The following KIAA1549L variants were observed in gnomAD, a reference collection of about 807,000 sequenced individuals.
KIAA1549L encodes the protein UPF0606 protein KIAA1549L.
A neutral mutation model predicts 160.7 loss-of-function variants in KIAA1549L; 88 were observed. That is an observed-to-expected ratio of 0.55 (90% confidence interval 0.46 to 0.65). KIAA1549L has a LOEUF of 0.65. Ranked by LOEUF, KIAA1549L falls within the 30% of genes least tolerant of loss-of-function variation. The probability of loss-of-function intolerance (pLI) is 0.00; values close to 1 mark genes in which losing one functional copy is unlikely to be tolerated. For missense variants in KIAA1549L, 2,258 were observed against 2,437.5 expected, an observed-to-expected ratio of 0.93 and a Z score of 1.55; for synonymous variants, 950 against 976.7, an observed-to-expected ratio of 0.97 and a Z score of 0.51.
rs2077568 is a variant in KIAA1549L at position 33,464,532 on chromosome 11, C to A, written c.239-77270C>A. On this transcript the variant is annotated intron_variant, in intron 1 of 20. Transcript: ENST00000658780. ...TGTGTGCGTGCGCGCATGCCCCCCCCCACACACGCATTTGTACAAGCTAGC... is the reference window on the plus strand; with the variant it reads ...TGTGTGCGTGCGCGCATGCCCCCCCACACACACGCATTTGTACAAGCTAGC... Among the ~76,000 whole-genome samples the A allele has an allele frequency of 1.7e-3, 252 of 151,258 alleles. 1 individual carries two copies. Among genetic ancestry groups the A allele is most frequent in the Middle Eastern group, 3.4e-3 (1 of 292 alleles).
intron 1 of KIAA1549L, among the ~76,000 whole-genome samples, chr11:33,504,086 C>A (rs1449506892): frequency 1.3e-5 from 2 of 152,208 alleles, no homozygotes; most frequent in African/African-American, 4.8e-5. Context: ...ATGGTGAAAC[C>A]CCCATCTCTA....
At chr11:33,559,948 C>T (rs1854787625) in intron 7 of KIAA1549L, 37 bp downstream of exon 7, 1 of 1,591,004 alleles carries the variant, frequency 6.3e-7, no homozygotes, top group African/African-American at 1.3e-5. Flanking sequence ...CCCAGTGTTT[C>T]CCCTGTGGCC....
rs1304336814 is a variant in KIAA1549L at position 33,610,771 on chromosome 11, A to G, written c.5279+805A>G. ...TCTTAGTTCTTTTTGTGCTGCTATA[A>G]CAGAATACCTGAGACTGGGTAATTT... On this transcript the variant is annotated intron_variant, in intron 15 of 20. Coordinates refer to ENST00000658780, the MANE Select transcript of KIAA1549L (RefSeq NM_012194.3). 2.0e-5 allele frequency among the ~76,000 whole-genome samples: 3 copies of G among 152,190 alleles called. No individual in the cohort carries two copies. The South Asian group carries it at 6.2e-4, about 32-fold the overall frequency.
chr11:33,481,242 G>T (rs937405233), intron 1 of KIAA1549L, among the ~76,000 whole-genome samples: 1 of 152,010 alleles, frequency 6.6e-6, no homozygotes. Flanking sequence ...CATCAATTAT[G>T]TTTGTCGTAT....
At chr11:33,461,904 A>G (rs984865539) in intron 1 of KIAA1549L, among the ~76,000 whole-genome samples, 1 of 152,230 alleles carries the variant, frequency 6.6e-6, no homozygotes, top group African/African-American at 2.4e-5. Context: ...CCCCAGGGCT[A>G]TATGCCTCAT....
At chr11:33,616,591 T>C (rs909433392) in intron 15 of KIAA1549L, among the ~76,000 whole-genome samples, 16 of 152,148 alleles carry the variant, frequency 1.1e-4, no homozygotes, top group African/African-American at 3.9e-4. Context: ...CTCTTCATGG[T>C]GAAGGTCTAG....
intron 15 of KIAA1549L, among the ~76,000 whole-genome samples, chr11:33,611,646 A>G (rs548207213): frequency 6.6e-6 from 1 of 152,222 alleles, no homozygotes; most frequent in Non-Finnish European, 1.5e-5. Flanking sequence ...TTTAGCTTTT[A>G]TTTTGTACTT....
chr11:33,548,505 G>A (rs1375160221), intron 4 of KIAA1549L, among the ~76,000 whole-genome samples: 1 of 152,158 alleles, frequency 6.6e-6, no homozygotes, highest in African/African-American at 2.4e-5. Flanking sequence ...TAATTTTCTA[G>A]AAAACTCTCC....
rs571969373 is a variant in KIAA1549L, at chr11:33,612,558, A to G, written c.5279+2592A>G. 9.0e-4 allele frequency among the ~76,000 whole-genome samples: 136 copies of G among 151,124 alleles called. 1 individual carries two copies. Among genetic ancestry groups the G allele is most frequent in the African/African-American group, 3.1e-3 (130 of 41,270 alleles). ...AGGCGTGAGCCACTGCGCCCAGCCA[A>G]CCATTCTTGCATTGCTATAAAAAAT... On this transcript the variant is annotated intron_variant, in intron 15 of 20. Transcript: ENST00000658780.
chr11:33,597,422 C>A (rs766690639), intron 12 of KIAA1549L, among the ~76,000 whole-genome samples: 1 of 151,968 alleles, frequency 6.6e-6, no homozygotes, highest in Non-Finnish European at 1.5e-5. Context: ...GAGGAGCATC[C>A]GGAAGGATAC....
chr11:33,606,697 G>T lies in KIAA1549L; in HGVS notation c.4936G>T (p.Ala1646Ser), dbSNP rs375618485. Residue 1646 changes from alanine to serine, a missense_variant, in exon 14 of 21, where the codon GCC becomes TCC. Around this residue, in one of 6 missense-constraint regions of KIAA1549L, gnomAD observed 1,359 missense variants for 1,546.6 expected, o/e 0.88. Transcript: ENST00000658780. ...TCTATTTGACAACTCCAGCAAGGTGGCCGCTGAACCCTTTGACACATCTTC... is the reference window on the plus strand; with the variant it reads ...TCTATTTGACAACTCCAGCAAGGTGTCCGCTGAACCCTTTGACACATCTTC... ...AVLFDNSSKV[A>S]AEPFDTSSGS... 1.2e-6 allele frequency: 2 copies of T among 1,614,010 alleles called. No individual in the cohort carries two copies.
chr11:33,627,752 AT>A (rs1245850054), intron 16 of KIAA1549L, among the ~76,000 whole-genome samples: 1 of 152,052 alleles, frequency 6.6e-6, no homozygotes, highest in Middle Eastern at 3.4e-3. Flanking sequence ...GGATTCATTA[AT>A]TTTTTGAAGG....
At chr11:33,440,365 C>G (rs894725183) in intron 1 of KIAA1549L, among the ~76,000 whole-genome samples, 1 of 151,540 alleles carries the variant, frequency 6.6e-6, no homozygotes, top group Non-Finnish European at 1.5e-5. Context: ...CTCCTGACCT[C>G]GTGATCCGCC....
In KIAA1549L at chr11:33,625,850, A is replaced by G. The variant is rs1156326081; in HGVS notation, c.5409+7188A>G. Among the ~76,000 whole-genome samples the G allele has an allele frequency of 2.6e-5, 4 of 152,144 alleles. No individual in the cohort carries two copies. In the East Asian group the frequency reaches 7.7e-4, roughly 29 times the overall value. On this transcript the variant is annotated intron_variant, in intron 16 of 20. Coordinates refer to ENST00000658780, the MANE Select transcript of KIAA1549L (RefSeq NM_012194.3). ...GTCCTTGCCCATGTCTATGTCTTGA[A>G]TGGTAATGCCTAGGTTTTCTTCTAG...
intron 1 of KIAA1549L, among the ~76,000 whole-genome samples, chr11:33,387,812 G>A (rs895313212): frequency 1.3e-4 from 20 of 151,930 alleles, no homozygotes; most frequent in African/African-American, 2.9e-4. Flanking sequence ...CCCATCCCCC[G>A]TCTGTGTCTT....
intron 15 of KIAA1549L, among the ~76,000 whole-genome samples, chr11:33,614,549 TATATATATATATATATATATATATATA>T (rs1850736954): frequency 3.5e-4 from 4 of 11,324 alleles, no homozygotes; most frequent in African/African-American, 5.3e-4. Context: ...TATATATATA[TATATATATATATATATATATATATATA>T]TATATATATT....
Position 33,668,917 on chromosome 11 carries a change from A to C in KIAA1549L, c.*763A>C, listed in dbSNP as rs765679353. On this transcript the variant is annotated 3_prime_UTR_variant, in exon 21 of 21. Coordinates refer to ENST00000658780, the MANE Select transcript of KIAA1549L (RefSeq NM_012194.3). ...ATCTAACTGAAAGAGAATCGGTGCT[A>C]AGAGCTTTTAGGATCCTACAAAAGA... The C allele has an allele frequency of 9.2e-5, 14 of 152,254 alleles. No individual in the cohort carries two copies. Among genetic ancestry groups the C allele is most frequent in the Non-Finnish European group, 1.6e-4 (11 of 68,038 alleles). 9.4% of individuals were successfully genotyped at this position (152,254 alleles called of 1,614,324 possible).
At chr11:33,605,439 A>G (rs1381075912) in intron 13 of KIAA1549L, among the ~76,000 whole-genome samples, 3 of 152,160 alleles carry the variant, frequency 2.0e-5, no homozygotes, top group Non-Finnish European at 4.4e-5. Flanking sequence ...AACACATTCA[A>G]ATAGAGATTT....
At chr11:33,658,195 A>C (rs567520525) in intron 18 of KIAA1549L, among the ~76,000 whole-genome samples, 90 of 152,316 alleles carry the variant, frequency 5.9e-4, no homozygotes, top group Non-Finnish European at 2.9e-5. Flanking sequence ...GGAACAAAAA[A>C]AAGTTCTGTT....
Sources: gnomAD v4.1 joint callset for allele counts (sites outside exome capture counted in the v4.1 genomes callset) on GRCh38, gnomAD v4.1.1 for gene constraint, gnomAD v4.1.1 regional missense constraint, MANE v1.5 for transcripts, NCBI Gene and HGNC (gene_info 2026-07-23, HGNC 2026-07-21) for gene names.